B3GALT1: variants seen among roughly 807,000 people sequenced by gnomAD.
The protein encoded by B3GALT1 is UDP-Gal:betaGlcNAc beta 1,3-galactosyltransferase, polypeptide 1.
A neutral mutation model predicts 23.2 loss-of-function variants in B3GALT1; 10 were observed. That is an observed-to-expected ratio of 0.43 (90% confidence interval 0.27 to 0.73). The LOEUF (loss-of-function observed/expected upper bound fraction) is 0.73, where lower values mean the gene tolerates loss of function less well. Among genes scored for constraint, B3GALT1 ranks in the 30% least tolerant of loss-of-function variants. B3GALT1 has a pLI of 0.21. For missense variants in B3GALT1, 299 were observed against 405.4 expected (o/e 0.74, Z 2.25); for synonymous variants, 156 against 141.5 (o/e 1.10, Z -0.73).
intron 1 of B3GALT1, among the ~76,000 whole-genome samples, chr2:167,387,728 ATAAC>A (rs1697949606): frequency 2.0e-5 from 3 of 152,322 alleles, no homozygotes; most frequent in African/African-American, 7.2e-5. Flanking sequence ...TTTAGGTTAA[ATAAC>A]TAAGCCATAC....
intron 1 of B3GALT1, among the ~76,000 whole-genome samples, chr2:167,402,091 T>C (rs992048918): frequency 6.6e-6 from 1 of 152,098 alleles, no homozygotes; most frequent in Admixed American, 6.6e-5. Context: ...AAGAATTGGT[T>C]GGGTCAAATT....
intron 1 of B3GALT1, among the ~76,000 whole-genome samples, chr2:167,484,081 C>A (rs150209812): frequency 2.0e-5 from 3 of 152,168 alleles, no homozygotes; most frequent in Non-Finnish European, 4.4e-5. Flanking sequence ...TAAGCAACCT[C>A]TTTTAATAAG....
At chr2:167,768,338 A>C (rs1370173268) in intron 3 of B3GALT1, among the ~76,000 whole-genome samples, 1 of 152,242 alleles carries the variant, frequency 6.6e-6, no homozygotes, top group Non-Finnish European at 1.5e-5. Flanking sequence ...TACACTGAAT[A>C]GTAGGACTAG....
rs7565851 is a variant in B3GALT1 at position 167,403,470 on chromosome 2, C to T, written c.-510-86707C>T. 7.4e-3 allele frequency among the ~76,000 whole-genome samples: 1,127 copies of T among 151,496 alleles called. 19 individuals are homozygous for T. The highest frequency in any genetic ancestry group is 0.026 in the African/African-American group (1,081 of 41,268). ...CAAGTCTTTGCTATTGTGAATAGTG[C>T]TGCAATAAACATACGTGCAGAGCAC... On this transcript the variant is annotated intron_variant, in intron 1 of 4. Coordinates refer to ENST00000392690, the MANE Select transcript of B3GALT1 (RefSeq NM_020981.4).
chr2:167,495,074 G>A (rs1553522112), intron 2 of B3GALT1, among the ~76,000 whole-genome samples: 2 of 152,128 alleles, frequency 1.3e-5, no homozygotes, highest in African/African-American at 2.4e-5. Context: ...ACTGTTTAAT[G>A]TTTGTAACAC....
intron 1 of B3GALT1, among the ~76,000 whole-genome samples, chr2:167,359,888 G>A (rs1042768430): frequency 6.6e-6 from 1 of 150,938 alleles, no homozygotes; most frequent in African/African-American, 2.4e-5. Flanking sequence ...CATGTTATTA[G>A]GAAAAAAATA....
chr2:167,431,574 C>T (rs1698704783), intron 1 of B3GALT1, among the ~76,000 whole-genome samples: 1 of 152,142 alleles, frequency 6.6e-6, no homozygotes, highest in Non-Finnish European at 1.5e-5. Context: ...TTTTTCTTGA[C>T]AATAATTGGA....
intron 3 of B3GALT1, among the ~76,000 whole-genome samples, chr2:167,816,077 A>G (rs561703235): frequency 6.6e-6 from 1 of 152,368 alleles, no homozygotes; most frequent in South Asian, 2.1e-4. Flanking sequence ...CAGACTAAAG[A>G]AAGTAGCTTA....
At chr2:167,546,955 A>G (rs1433924702) in intron 2 of B3GALT1, among the ~76,000 whole-genome samples, 1 of 152,220 alleles carries the variant, frequency 6.6e-6, no homozygotes, top group South Asian at 2.1e-4. Context: ...TTGACCCACT[A>G]TGCCCCTGGC....
At chr2:167,426,843 C>G (rs1441865390) in intron 1 of B3GALT1, among the ~76,000 whole-genome samples, 3 of 152,212 alleles carry the variant, frequency 2.0e-5, no homozygotes, top group African/African-American at 7.2e-5. Flanking sequence ...TGCACATACC[C>G]TGTAACCTTG....
At chr2:167,799,302 A>G (rs138777188) in intron 3 of B3GALT1, among the ~76,000 whole-genome samples, 25 of 152,226 alleles carry the variant, frequency 1.6e-4, no homozygotes, top group African/African-American at 5.5e-4. Flanking sequence ...AACAGTGTAC[A>G]TTGTACCCAA....
chr2:167,710,220 A>G (rs1687027763), intron 3 of B3GALT1, among the ~76,000 whole-genome samples: 1 of 152,244 alleles, frequency 6.6e-6, no homozygotes, highest in Non-Finnish European at 1.5e-5. Context: ...TATTTTAAAT[A>G]CAGAATTAAG....
chr2:167,459,552 A>G (rs956690980), intron 1 of B3GALT1, among the ~76,000 whole-genome samples: 5 of 152,236 alleles, frequency 3.3e-5, no homozygotes, highest in African/African-American at 1.2e-4. Context: ...AACCAAAGTT[A>G]TAAGAATACT....
chr2:167,370,048 T>C (rs1697657670), intron 1 of B3GALT1, among the ~76,000 whole-genome samples: 1 of 152,258 alleles, frequency 6.6e-6, no homozygotes, highest in South Asian at 2.1e-4. Context: ...GAAGCAGTGA[T>C]GCTTGAAATT....
At chr2:167,833,616 T>C (rs548465263) in intron 4 of B3GALT1, among the ~76,000 whole-genome samples, 30 of 152,304 alleles carry the variant, frequency 2.0e-4, no homozygotes, top group Admixed American at 5.2e-4. Flanking sequence ...TCTCCCACCA[T>C]TGAAATGGGC....
chr2:167,506,564 A>G (rs144945529), intron 2 of B3GALT1, among the ~76,000 whole-genome samples: 274 of 152,304 alleles, frequency 1.8e-3, no homozygotes, highest in Middle Eastern at 0.01. Context: ...ACCACATACT[A>G]TGATTTATGA....
At chr2:167,526,691 C>T (rs1683225506) in intron 2 of B3GALT1, among the ~76,000 whole-genome samples, 1 of 152,124 alleles carries the variant, frequency 6.6e-6, no homozygotes, top group South Asian at 2.1e-4. Flanking sequence ...ATGTAATTTG[C>T]ATTTTACAGT....
intron 1 of B3GALT1, among the ~76,000 whole-genome samples, chr2:167,451,676 C>T (rs1002446152): frequency 1.3e-5 from 2 of 152,154 alleles, no homozygotes; most frequent in Non-Finnish European, 2.9e-5. Context: ...CTGCCTCCTG[C>T]CAGGAGGTGG....
intron 2 of B3GALT1, among the ~76,000 whole-genome samples, chr2:167,539,349 G>A (rs945394088): frequency 6.6e-6 from 1 of 151,962 alleles, no homozygotes; most frequent in Non-Finnish European, 1.5e-5. Flanking sequence ...ACACCTCCAA[G>A]GACAAAAATA....
Sources: allele counts gnomAD v4.1 joint callset (sites outside exome capture counted in the v4.1 genomes callset), GRCh38; gene constraint gnomAD v4.1.1; transcripts MANE v1.5; gene names NCBI Gene and HGNC (gene_info 2026-07-23, HGNC 2026-07-21).